The following CCDC171 variants were observed in gnomAD, a reference collection of about 807,000 sequenced individuals.
CCDC171 encodes coiled-coil domain-containing protein 171.
In CCDC171, 177 loss-of-function variants were observed where a neutral mutation model predicts 168.2. The observed-to-expected ratio is 1.05, with a 90% CI of 0.93 to 1.19. The LOEUF (loss-of-function observed/expected upper bound fraction) is 1.19, where lower values mean the gene tolerates loss of function less well. CCDC171 is among the 50% of genes most tolerant of loss of function. The pLI, the probability that CCDC171 is intolerant of heterozygous loss-of-function variation, is 0.00. For synonymous variants in CCDC171, 687 were observed against 540.8 expected, an observed-to-expected ratio of 1.27 and a Z score of -3.75; for missense variants, 1,991 against 1,539.0, an observed-to-expected ratio of 1.29 and a Z score of -4.91.
intron 11 of CCDC171, among the ~76,000 whole-genome samples, chr9:15,699,321 T>A (rs1251369631): frequency 6.6e-6 from 1 of 151,590 alleles, no homozygotes; most frequent in Non-Finnish European, 1.5e-5. Context: ...TCGCGGTGAG[T>A]GTTACAGCTC....
At chr9:15,955,534 C>T (rs1829703949) in intron 25 of CCDC171, among the ~76,000 whole-genome samples, 1 of 152,132 alleles carries the variant, frequency 6.6e-6, no homozygotes, top group South Asian at 2.1e-4. Flanking sequence ...ATGTGTCTGT[C>T]ATGGGGCTGG....
At chr9:16,103,880 C>G in the CCDC171 span, among the ~76,000 whole-genome samples, 1 of 152,166 alleles carries the variant, frequency 6.6e-6, no homozygotes, top group Non-Finnish European at 1.5e-5. Flanking sequence ...GTGTTCAAAA[C>G]TGGAGGTCGT....
chr9:15,728,134 A>G, intron 15 of CCDC171, 98 bp downstream of exon 15: 2 of 938,128 alleles, frequency 2.1e-6, no homozygotes, highest in East Asian at 2.6e-5. Flanking sequence ...CTTATTTCAA[A>G]AAGAATTTGG....
chr9:16,096,260 T>G, the CCDC171 span, among the ~76,000 whole-genome samples: 2 of 152,110 alleles, frequency 1.3e-5, no homozygotes, highest in African/African-American at 2.4e-5. Flanking sequence ...GAGCAGGCCA[T>G]AGTAAATTAA....
At chr9:15,661,450 A>AT (rs925421317) in intron 8 of CCDC171, among the ~76,000 whole-genome samples, 3 of 152,238 alleles carry the variant, frequency 2.0e-5, no homozygotes, top group East Asian at 1.9e-4. Context: ...ATTATTACCT[A>AT]TTTTTTACTT....
At chr9:15,593,815 A>T (rs1158154378) in intron 5 of CCDC171, among the ~76,000 whole-genome samples, 1 of 151,964 alleles carries the variant, frequency 6.6e-6, no homozygotes, top group Non-Finnish European at 1.5e-5. Context: ...GTAATAGGTA[A>T]ATATATGCCT....
At chr9:16,103,137 A>G in the CCDC171 span, among the ~76,000 whole-genome samples, 1 of 152,196 alleles carries the variant, frequency 6.6e-6, no homozygotes, top group Non-Finnish European at 1.5e-5. Context: ...ATTTTGCAAG[A>G]TGGCCCCTTC....
chr9:15,739,477 A>C (rs1244768428), intron 16 of CCDC171, among the ~76,000 whole-genome samples: 1 of 152,168 alleles, frequency 6.6e-6, no homozygotes, highest in East Asian at 1.9e-4. Context: ...ACCCAGCTGA[A>C]GGAGTGTGGG....
chr9:15,707,798 A>G (rs1214495770), intron 11 of CCDC171, among the ~76,000 whole-genome samples: 1 of 152,156 alleles, frequency 6.6e-6, no homozygotes, highest in Non-Finnish European at 1.5e-5. Flanking sequence ...TTGTTTGTAG[A>G]GAGTATAGTA....
chr9:15,632,730 A>C (rs1169792170), intron 7 of CCDC171, among the ~76,000 whole-genome samples: 1 of 152,206 alleles, frequency 6.6e-6, no homozygotes, highest in Non-Finnish European at 1.5e-5. Context: ...CCTAAGCCAA[A>C]AGAACAAAGC....
At chr9:15,822,060 C>T (rs1172990148) in intron 21 of CCDC171, among the ~76,000 whole-genome samples, 1 of 152,196 alleles carries the variant, frequency 6.6e-6, no homozygotes, top group Non-Finnish European at 1.5e-5. Context: ...TTTGACAAAC[C>T]TGAGAAAAAC....
downstream of CCDC171, among the ~76,000 whole-genome samples, chr9:16,063,462 A>T (rs1369274807): frequency 6.6e-6 from 1 of 152,200 alleles, no homozygotes; most frequent in Non-Finnish European, 1.5e-5. Flanking sequence ...GAATTATGCA[A>T]TTCACTGTCT....
At chr9:15,590,846 T>C (rs1185141929) in intron 4 of CCDC171, among the ~76,000 whole-genome samples, 13 of 150,598 alleles carry the variant, frequency 8.6e-5, no homozygotes, top group Non-Finnish European at 4.4e-5. Context: ...CTTCTTTCTT[T>C]CTTTCTTTTT....
intron 25 of CCDC171, among the ~76,000 whole-genome samples, chr9:15,954,821 C>T (rs1829622639): frequency 6.6e-6 from 1 of 151,860 alleles, no homozygotes; most frequent in African/African-American, 2.4e-5. Flanking sequence ...CCATTTTGTT[C>T]AGACATTGTT....
intron 6 of CCDC171, among the ~76,000 whole-genome samples, chr9:15,616,172 G>A (rs531478018): frequency 5.9e-5 from 9 of 152,090 alleles, no homozygotes; most frequent in Non-Finnish European, 1.2e-4. Context: ...GGTTGGTCTC[G>A]AACTCCTGAT....
chr9:15,792,659 G>T (rs1425853790), intron 21 of CCDC171, among the ~76,000 whole-genome samples: 1 of 151,986 alleles, frequency 6.6e-6, no homozygotes, highest in African/African-American at 2.4e-5. Context: ...AGAGAGTGGG[G>T]GCCAATATTC....
intron 18 of CCDC171, among the ~76,000 whole-genome samples, chr9:15,753,203 T>C (rs2055876126): frequency 6.6e-6 from 1 of 152,076 alleles, no homozygotes; most frequent in South Asian, 2.1e-4. Context: ...GTGCTGCTCA[T>C]TGTGGGCTTA....
rs955834747 is a variant in CCDC171 at position 15,573,638 on chromosome 9, T to G, written c.177+1879T>G. On this transcript the variant is annotated intron_variant, in intron 3 of 25. Coordinates refer to ENST00000380701, the MANE Select transcript of CCDC171 (RefSeq NM_173550.4). ...GTAATTGCTTCTATTTACATTGTAA[T>G]AATCATATAAAGTGGTATGTGTTAA... Among the ~76,000 whole-genome samples, 51 of 111,564 alleles carry G rather than the reference T, an allele frequency of 4.6e-4. No individual in the cohort carries two copies. The Admixed American group carries it at 4.9e-3, about 11-fold the overall frequency. The allele number at this position is 111,564 out of a possible 152,430, so 73.2% of individuals were successfully genotyped here.
chr9:15,948,543 T>C (rs1443637346), intron 25 of CCDC171, among the ~76,000 whole-genome samples: 209 of 152,076 alleles, frequency 1.4e-3, no homozygotes, highest in Middle Eastern at 0.01. Flanking sequence ...TGATATCTCA[T>C]TGTGGTTTTG....
Sources: allele counts gnomAD v4.1 joint callset (sites outside exome capture counted in the v4.1 genomes callset), GRCh38; gene constraint gnomAD v4.1.1; transcripts MANE v1.5; gene names NCBI Gene and HGNC (gene_info 2026-07-23, HGNC 2026-07-21).